Variants in NBAS observed in about 807,000 individuals in gnomAD.
The protein encoded by NBAS is NAG/BC035112 fusion.
NBAS carries 219 observed loss-of-function variants against 302.5 expected under a neutral mutation model. That is an observed-to-expected ratio of 0.72 (90% CI 0.65 to 0.81). The LOEUF is 0.81. Ranked by LOEUF, NBAS falls within the 30% of genes least tolerant of loss-of-function variation. The pLI is 0.00. For synonymous variants in NBAS, 1,118 were observed against 1,021.6 expected (o/e 1.09, Z -1.80); for missense variants, 2,932 against 2,841.6 (o/e 1.03, Z -0.72).
the NBAS span, among the ~76,000 whole-genome samples, chr2:15,025,660 C>A: frequency 6.6e-6 from 1 of 151,974 alleles, no homozygotes; most frequent in Non-Finnish European, 1.5e-5. Flanking sequence ...TTGTAATTCT[C>A]CTTGTAAAGA....
the NBAS span, among the ~76,000 whole-genome samples, chr2:14,861,515 C>T: frequency 2.0e-5 from 3 of 152,198 alleles, no homozygotes; most frequent in African/African-American, 7.2e-5. Flanking sequence ...AACATCTTCC[C>T]TTTTAGTTCT....
intron 51 of NBAS, chr2:15,177,897 C>G (rs1010781344): frequency 6.7e-6 from 2 of 298,664 alleles, no homozygotes; most frequent in East Asian, 1.6e-4. Context: ...TCACAAAACC[C>G]TTGCAGAAGC....
intron 21 of NBAS, among the ~76,000 whole-genome samples, chr2:15,442,266 A>G (rs1378988901): frequency 1.5e-5 from 2 of 134,436 alleles, no homozygotes; most frequent in Admixed American, 1.5e-4. Context: ...AGCATTCCTC[A>G]GCAAATGTAA....
the NBAS span, among the ~76,000 whole-genome samples, chr2:14,956,088 T>C: frequency 6.6e-6 from 1 of 152,182 alleles, no homozygotes; most frequent in African/African-American, 2.4e-5. Flanking sequence ...CACTAAATCA[T>C]CTCTCTCAGT....
At chr2:15,130,636 C>G in the NBAS span, among the ~76,000 whole-genome samples, 4 of 152,394 alleles carry the variant, frequency 2.6e-5, no homozygotes, top group East Asian at 7.7e-4. Context: ...AACTGGAGAG[C>G]TGATCCTTAT....
the NBAS span, among the ~76,000 whole-genome samples, chr2:15,109,202 C>G: frequency 1.3e-5 from 2 of 152,048 alleles, no homozygotes; most frequent in Non-Finnish European, 2.9e-5. Context: ...GTCTTTGGTG[C>G]CTGTCAATAA....
In NBAS at chr2:15,238,429, TG is replaced by T. The variant is rs745903437; in HGVS notation, c.5943+38del. The T allele has an allele frequency of 1.1e-4, 181 of 1,578,960 alleles. 2 individuals are homozygous for T. The Middle Eastern group carries it at 2.0e-3, about 17-fold the overall frequency. ...TTCAAGGAAAAAAGAAAGAATATAC[TG>T]ATACAGAGTGAGCATATAGAAGTTC... On this transcript the variant is annotated intron_variant, in intron 45 of 51. Transcript: ENST00000281513.
At chr2:14,912,652 C>G in the NBAS span, among the ~76,000 whole-genome samples, 4,850 of 148,036 alleles carry the variant, frequency 0.033, 297 homozygotes, top group African/African-American at 0.11. Flanking sequence ...TCTTCTGTCA[C>G]TCCCAGTTTC....
the NBAS span, among the ~76,000 whole-genome samples, chr2:14,921,839 A>G: frequency 6.6e-6 from 1 of 152,010 alleles, no homozygotes; most frequent in African/African-American, 2.4e-5. Flanking sequence ...GCTATTATAC[A>G]TTTTTTTTAC....
the NBAS span, among the ~76,000 whole-genome samples, chr2:14,850,177 G>A: frequency 7.4e-6 from 1 of 134,502 alleles, no homozygotes; most frequent in African/African-American, 3.7e-5. Flanking sequence ...CTGTATTCAG[G>A]AAACCCATCT....
chr2:15,247,154 T>A (rs1668128542), intron 44 of NBAS, among the ~76,000 whole-genome samples: 1 of 152,186 alleles, frequency 6.6e-6, no homozygotes, highest in Non-Finnish European at 1.5e-5. Flanking sequence ...ATGAAAGCGT[T>A]ACGGGAAAGG....
chr2:14,941,592 C>G, the NBAS span, among the ~76,000 whole-genome samples: 1 of 152,164 alleles, frequency 6.6e-6, no homozygotes, highest in African/African-American at 2.4e-5. Context: ...AAATACTTCC[C>G]GGAGCACTGA....
At chr2:15,402,043 T>C in intron 26 of NBAS, 125 bp downstream of exon 26, 1 of 1,022,698 alleles carries the variant, frequency 9.8e-7, no homozygotes, top group Non-Finnish European at 1.5e-6. Flanking sequence ...ATAATTTTAT[T>C]TTCTTCCTTA....
chr2:14,919,659 C>A, the NBAS span, among the ~76,000 whole-genome samples: 41,008 of 152,000 alleles, frequency 0.27, 5,597 homozygotes, highest in African/African-American at 0.33. Flanking sequence ...TAATCTAAAT[C>A]CTTTCTAGTC....
intron 21 of NBAS, among the ~76,000 whole-genome samples, chr2:15,436,272 T>C (rs571284909): frequency 3.5e-4 from 53 of 152,360 alleles, no homozygotes; most frequent in Admixed American, 1.8e-3. Flanking sequence ...TGCCTGTAGA[T>C]AACCCTTTCT....
At chr2:15,454,927 A>G (rs1248811277) in intron 21 of NBAS, among the ~76,000 whole-genome samples, 1 of 87,658 alleles carries the variant, frequency 1.1e-5, no homozygotes, top group East Asian at 2.1e-4. Flanking sequence ...TTTTTTTGAG[A>G]CAGTCTCACT....
At chr2:15,039,174 A>G in the NBAS span, among the ~76,000 whole-genome samples, 3 of 152,186 alleles carry the variant, frequency 2.0e-5, no homozygotes, top group Admixed American at 6.5e-5. Context: ...TAAAATGGAA[A>G]CAATGACACC....
chr2:15,097,467 G>A, the NBAS span, among the ~76,000 whole-genome samples: 1 of 152,074 alleles, frequency 6.6e-6, no homozygotes, highest in African/African-American at 2.4e-5. Flanking sequence ...TGTGCTGGAT[G>A]GCTTATACCA....
chr2:14,793,347 A>C, the NBAS span, among the ~76,000 whole-genome samples: 12 of 152,220 alleles, frequency 7.9e-5, no homozygotes, highest in Non-Finnish European at 1.6e-4. Flanking sequence ...ACTAAAGAAA[A>C]ATAAGAAATC....
Sources: allele counts gnomAD v4.1 joint callset (sites outside exome capture counted in the v4.1 genomes callset), GRCh38; gene constraint gnomAD v4.1.1; transcripts MANE v1.5; gene names NCBI Gene and HGNC (gene_info 2026-07-23, HGNC 2026-07-21).